RCOR3: variants seen among roughly 807,000 people sequenced by gnomAD.
RCOR3 encodes REST corepressor 3.
RCOR3 carries 13 observed loss-of-function variants against 64.1 expected under a neutral mutation model. The observed-to-expected ratio is 0.20, with a 90% CI of 0.13 to 0.32. The LOEUF is 0.32. RCOR3 is among the 10% of genes least tolerant of loss of function. The probability of loss-of-function intolerance (pLI) is 1.00; values close to 1 mark genes in which losing one functional copy is unlikely to be tolerated. For missense variants in RCOR3, 489 were observed against 701.2 expected (o/e 0.70, Z 3.42); for synonymous variants, 215 against 239.0 (o/e 0.90, Z 0.93).
chr1:211,304,306 C>G (rs1700654830), intron 10 of RCOR3, among the ~76,000 whole-genome samples, 166 bp downstream of exon 10: 1 of 152,186 alleles, frequency 6.6e-6, no homozygotes, highest in African/African-American at 2.4e-5. Flanking sequence ...GTGGATGTGA[C>G]ATACTCAAGT....
At chr1:211,277,063 G>C (rs1202366072) in intron 5 of RCOR3, among the ~76,000 whole-genome samples, 1 of 149,350 alleles carries the variant, frequency 6.7e-6, no homozygotes, top group Non-Finnish European at 1.5e-5. Flanking sequence ...TCCAGCCTGG[G>C]CAACAGCGCG....
intron 3 of RCOR3, chr1:211,271,514 C>A: frequency 1.6e-6 from 1 of 635,384 alleles, no homozygotes; most frequent in Non-Finnish European, 2.9e-6. Context: ...GTTGATCATT[C>A]CAATTTGTGT....
chr1:211,304,129 T>TA lies in RCOR3; in HGVS notation c.1065dup (p.Ala356SerfsTer10), dbSNP rs1700639979. Reference sequence around the variant, plus strand: ...CGTTGGACCACAGAGGAGCAGCTTCTAGCAGTGCAAGGTATATTAAAGATA... The same window carrying TA: ...CGTTGGACCACAGAGGAGCAGCTTCTAAGCAGTGCAAGGTATATTAAAGATA... On this transcript the variant is annotated frameshift_variant, in exon 10 of 12. Coordinates refer to ENST00000419091, the MANE Select transcript of RCOR3 (RefSeq NM_001136223.3). LOFTEE classifies it high-confidence loss of function. 1 of 1,600,870 alleles carries TA rather than the reference T, an allele frequency of 6.2e-7. No individual in the cohort carries two copies. The highest frequency in any genetic ancestry group is 8.5e-7 in the Non-Finnish European group (1 of 1,174,800).
intron 2 of RCOR3, among the ~76,000 whole-genome samples, chr1:211,266,688 A>G (rs987906362): frequency 6.6e-6 from 1 of 152,208 alleles, no homozygotes; most frequent in Admixed American, 6.5e-5. Flanking sequence ...GTTTTGAGGT[A>G]TAATCTTAAA....
chr1:211,276,284 C>T lies in RCOR3; in HGVS notation c.382C>T (p.His128Tyr). ...ACTTGGCATGTTGTTCTGGCATAAA[C>T]ATAACATTGAGAAGTCCCTTGCTGA... ...QALGMLFWHK[H>Y]NIEKSLADLP... The change falls in exon 5 of 12, where the codon CAT becomes TAT. Residue 128 changes from histidine (H) to tyrosine (Y), a missense_variant. Coordinates refer to ENST00000419091, the MANE Select transcript of RCOR3 (RefSeq NM_001136223.3). 1.2e-6 allele frequency: 2 copies of T among 1,613,610 alleles called. No individual in the cohort carries two copies. Among genetic ancestry groups the T allele is most frequent in the Non-Finnish European group, 1.7e-6 (2 of 1,179,670 alleles).
At chr1:211,266,621 GGTT>G (rs1183327447) in intron 2 of RCOR3, among the ~76,000 whole-genome samples, 2 of 152,118 alleles carry the variant, frequency 1.3e-5, no homozygotes, top group Non-Finnish European at 1.5e-5. Context: ...TCTAAGGCAT[GGTT>G]GTTTTGTTGG....
intron 7 of RCOR3, among the ~76,000 whole-genome samples, chr1:211,282,945 T>C (rs1018031260): frequency 6.6e-6 from 1 of 151,536 alleles, no homozygotes; most frequent in Non-Finnish European, 1.5e-5. Context: ...TTTCATACTT[T>C]ATTTAATTGG....
At chr1:211,297,013 C>T (rs1220307615) in intron 9 of RCOR3, among the ~76,000 whole-genome samples, 1 of 151,846 alleles carries the variant, frequency 6.6e-6, no homozygotes, top group Non-Finnish European at 1.5e-5. Flanking sequence ...ATTGAAATTC[C>T]TAGGAAAATG....
chr1:211,285,854 A>G (rs1698449099), intron 7 of RCOR3, among the ~76,000 whole-genome samples: 1 of 152,078 alleles, frequency 6.6e-6, no homozygotes, highest in Admixed American at 6.5e-5. Context: ...TTATATGTTG[A>G]AGTTAGTGTT....
At chr1:211,282,589 C>G (rs6702366) in intron 7 of RCOR3, among the ~76,000 whole-genome samples, 1 of 151,346 alleles carries the variant, frequency 6.6e-6, no homozygotes, top group East Asian at 1.9e-4. Flanking sequence ...GCAACCTCCA[C>G]CTGGGCTCAA....
At chr1:211,275,231 G>C (rs1696805278) in intron 4 of RCOR3, among the ~76,000 whole-genome samples, 2 of 151,972 alleles carry the variant, frequency 1.3e-5, no homozygotes, top group South Asian at 2.1e-4. Context: ...TAAATTATCT[G>C]TAACCTGGGT....
chr1:211,305,866 G>A (rs1259169674), intron 10 of RCOR3, among the ~76,000 whole-genome samples: 1 of 152,082 alleles, frequency 6.6e-6, no homozygotes, highest in Non-Finnish European at 1.5e-5. Context: ...AATAAAAGGA[G>A]TAGTCATATA....
intron 10 of RCOR3, among the ~76,000 whole-genome samples, chr1:211,311,410 C>T (rs1416432214): frequency 6.6e-6 from 1 of 152,116 alleles, no homozygotes; most frequent in Non-Finnish European, 1.5e-5. Flanking sequence ...CCAGAATGCT[C>T]TTAAAGGAAT....
At chr1:211,269,744 T>G (rs1037744637) in intron 2 of RCOR3, among the ~76,000 whole-genome samples, 4 of 151,984 alleles carry the variant, frequency 2.6e-5, no homozygotes, top group African/African-American at 9.7e-5. Context: ...CATAGCTATC[T>G]CAGGCCTTCA....
chr1:211,277,782 A>C (rs1697220442), intron 5 of RCOR3, among the ~76,000 whole-genome samples: 1 of 152,342 alleles, frequency 6.6e-6, no homozygotes, highest in Non-Finnish European at 1.5e-5. Flanking sequence ...CAAAACCACT[A>C]ATATGTACAC....
chr1:211,291,499 T>C (rs1699238688), intron 8 of RCOR3: 1 of 446,914 alleles, frequency 2.2e-6, no homozygotes, highest in East Asian at 7.0e-5. Context: ...AACCTGGATA[T>C]GTTTTGATTT....
At chr1:211,282,362 G>T (rs1206433340) in intron 7 of RCOR3, among the ~76,000 whole-genome samples, 1 of 152,110 alleles carries the variant, frequency 6.6e-6, no homozygotes, top group Non-Finnish European at 1.5e-5. Flanking sequence ...TCTGCATGTT[G>T]TTAACATATT....
rs2102690756 is a variant in RCOR3, at chr1:211,314,901, T to G, written c.*1133T>G. The G allele has an allele frequency of 6.6e-6, 1 of 152,314 alleles. No individual in the cohort carries two copies. The highest frequency in any genetic ancestry group is 2.1e-4 in the South Asian group (1 of 4,834). 9.4% of individuals were successfully genotyped at this position (152,314 alleles called of 1,614,324 possible). A position where few individuals can be genotyped will look rare whatever the true frequency, so the allele number is the denominator to read the frequency against. ...TGGTGTAGGGTTAAATCATCAACAT[T>G]ATTTCATAAAATAAGAATTTGTTCT... On this transcript the variant is annotated 3_prime_UTR_variant, in exon 12 of 12. Transcript: ENST00000419091.
chr1:211,299,505 AT>A (rs1429284709), intron 9 of RCOR3, among the ~76,000 whole-genome samples: 2 of 152,186 alleles, frequency 1.3e-5, no homozygotes, highest in African/African-American at 2.4e-5. Flanking sequence ...ACATCCTTTC[AT>A]TATGGATGTT....
Sources: allele counts gnomAD v4.1 joint callset (sites outside exome capture counted in the v4.1 genomes callset), GRCh38; gene constraint gnomAD v4.1.1; transcripts MANE v1.5; gene names NCBI Gene and HGNC (gene_info 2026-07-23, HGNC 2026-07-21).